Variants in ZNF346 observed in about 807,000 individuals in gnomAD.
ZNF346 encodes double-stranded RNA-binding zinc finger protein JAZ.
A neutral mutation model predicts 33.7 loss-of-function variants in ZNF346; 23 were observed. That is an observed-to-expected ratio of 0.68 (90% confidence interval 0.49 to 0.97). ZNF346 has a LOEUF of 0.97. Ranked by LOEUF, ZNF346 falls within the 50% of genes least tolerant of loss-of-function variation. The pLI, the probability that ZNF346 is intolerant of heterozygous loss-of-function variation, is 0.00. For missense variants in ZNF346, 340 were observed against 371.1 expected, an observed-to-expected ratio of 0.92 and a Z score of 0.69; for synonymous variants, 134 against 142.4, an observed-to-expected ratio of 0.94 and a Z score of 0.42.
intron 1 of ZNF346, among the ~76,000 whole-genome samples, chr5:177,027,999 G>A (rs1340408940): frequency 1.2e-5 from 1 of 83,806 alleles, no homozygotes; most frequent in African/African-American, 4.8e-5. Flanking sequence ...TTCTTTACTT[G>A]TTTTAAGTGT....
intron 5 of ZNF346, 54 bp downstream of exon 5, chr5:177,050,990 T>C: frequency 7.1e-7 from 1 of 1,412,138 alleles, no homozygotes; most frequent in South Asian, 1.2e-5. Flanking sequence ...CCACTGGGGC[T>C]ACCCGGACCA....
intron 1 of ZNF346, 181 bp downstream of exon 1, chr5:177,023,094 G>A (rs1776089116): frequency 6.9e-7 from 1 of 1,452,590 alleles, no homozygotes; most frequent in Non-Finnish European, 9.3e-7. Flanking sequence ...CCAGCGCGCT[G>A]AGGGTGAAGG....
chr5:177,070,403 G>GC (rs1400456565), downstream of ZNF346, among the ~76,000 whole-genome samples: 1 of 152,100 alleles, frequency 6.6e-6, no homozygotes, highest in Admixed American at 6.6e-5. Context: ...ATATGAGGGA[G>GC]CCCCTGCTCA....
chr5:177,028,305 A>AGCACTGGG (rs1230697210), intron 1 of ZNF346, among the ~76,000 whole-genome samples: 4 of 149,580 alleles, frequency 2.7e-5, no homozygotes. Context: ...GCTTTCCCAA[A>AGCACTGGG]GCACTGGGAT....
chr5:177,029,205 T>C (rs941948030), intron 1 of ZNF346, among the ~76,000 whole-genome samples: 2 of 152,162 alleles, frequency 1.3e-5, no homozygotes, highest in African/African-American at 4.8e-5. Flanking sequence ...TGATCACCGA[T>C]AGCCAGTGAT....
intron 1 of ZNF346, among the ~76,000 whole-genome samples, chr5:177,025,396 A>G (rs751568221): frequency 1.4e-4 from 22 of 152,328 alleles, no homozygotes; most frequent in Non-Finnish European, 2.8e-4. Context: ...GTGTGAACAT[A>G]CATTTCATTT....
chr5:177,036,609 TCA>T (rs1289988600), intron 1 of ZNF346, among the ~76,000 whole-genome samples: 1 of 152,122 alleles, frequency 6.6e-6, no homozygotes, highest in Non-Finnish European at 1.5e-5. Flanking sequence ...GTCTCCGCTG[TCA>T]CACAGTCTCA....
In ZNF346 at chr5:177,022,852, C is replaced by T. The variant is rs551315604; in HGVS notation, c.114C>T (p.Arg38=). The part of the protein sequence containing the change: ...GQEPDGVRFD[R]ERARRLWEAV... ...AGCCGGACGGGGTGCGCTTTGACCG[C>T]GAGAGGGCGCGCCGCCTGTGGGAAG... Residue 38 remains arginine (R), a synonymous_variant, in exon 1 of 7, where the codon CGC becomes CGT. Transcript: ENST00000358149. 2.4e-5 allele frequency: 36 copies of T among 1,530,146 alleles called. No homozygotes were observed. Among genetic ancestry groups the T allele is most frequent in the East Asian group, 1.7e-4 (7 of 40,068 alleles). The allele number at this position is 1,530,146 out of a possible 1,614,324, so 94.8% of individuals were successfully genotyped here.
At chr5:177,063,836 T>A in intron 6 of ZNF346, among the ~76,000 whole-genome samples, 1 of 152,124 alleles carries the variant, frequency 6.6e-6, no homozygotes, top group Admixed American at 6.6e-5. Context: ...AGCCATGAGT[T>A]GCAGTGAGCT....
intron 4 of ZNF346, among the ~76,000 whole-genome samples, chr5:177,047,856 C>A (rs760098341): frequency 3.3e-5 from 5 of 152,128 alleles, no homozygotes; most frequent in Non-Finnish European, 7.4e-5. Flanking sequence ...CCAGGCAGAT[C>A]TCTAACTCCT....
chr5:177,055,679 G>A (rs1034857354), intron 5 of ZNF346, among the ~76,000 whole-genome samples: 3 of 118,530 alleles, frequency 2.5e-5, no homozygotes, highest in East Asian at 4.0e-4. Flanking sequence ...AGTGGCTCAC[G>A]CCTGTAATCC....
intron 1 of ZNF346, 117 bp from the exon 2 acceptor site, chr5:177,041,009 C>T: frequency 1.3e-6 from 1 of 763,120 alleles, no homozygotes; most frequent in Non-Finnish European, 2.3e-6. Flanking sequence ...CTGAGGTCTG[C>T]CAGTGTCCTA....
chr5:177,033,704 T>C (rs1049110294), intron 1 of ZNF346, among the ~76,000 whole-genome samples: 1 of 152,098 alleles, frequency 6.6e-6, no homozygotes, highest in Non-Finnish European at 1.5e-5. Flanking sequence ...TTTGTATTTT[T>C]AGTAGAGATG....
chr5:177,036,496 A>C (rs1778531971), intron 1 of ZNF346, among the ~76,000 whole-genome samples: 1 of 149,158 alleles, frequency 6.7e-6, no homozygotes, highest in Admixed American at 6.7e-5. Flanking sequence ...AGTTCAAGTC[A>C]TTTTGAGATC....
intron 5 of ZNF346, among the ~76,000 whole-genome samples, chr5:177,056,684 A>G (rs1050006785): frequency 6.7e-6 from 1 of 149,062 alleles, no homozygotes; most frequent in African/African-American, 2.5e-5. Context: ...CAAACACTGC[A>G]TATTCTCACT....
chr5:177,048,086 C>T (rs1254971792), intron 4 of ZNF346, among the ~76,000 whole-genome samples: 1 of 152,156 alleles, frequency 6.6e-6, no homozygotes, highest in Non-Finnish European at 1.5e-5. Flanking sequence ...CCCCACCCCC[C>T]ACTTTTTGGT....
chr5:177,024,803 A>G (rs1581765171), intron 1 of ZNF346, among the ~76,000 whole-genome samples: 1 of 152,194 alleles, frequency 6.6e-6, no homozygotes, highest in Non-Finnish European at 1.5e-5. Context: ...TGTGCTCTGA[A>G]AAGTGAACTG....
intron 1 of ZNF346, among the ~76,000 whole-genome samples, chr5:177,024,181 A>G (rs371792607): frequency 1.4e-5 from 1 of 72,670 alleles, no homozygotes; most frequent in Non-Finnish European, 2.5e-5. Context: ...CACACACACT[A>G]TTTCTGGGGC....
chr5:177,069,057 A>G (rs1443479256), downstream of ZNF346, among the ~76,000 whole-genome samples: 2 of 143,368 alleles, frequency 1.4e-5, no homozygotes, highest in African/African-American at 6.0e-5. Context: ...CGATCATTAT[A>G]GATTAGTTTT....
Sources: gnomAD v4.1 joint callset for allele counts (sites outside exome capture counted in the v4.1 genomes callset) on GRCh38, gnomAD v4.1.1 for gene constraint, MANE v1.5 for transcripts, NCBI Gene and HGNC (gene_info 2026-07-23, HGNC 2026-07-21) for gene names.